OLFM3: variants seen among roughly 807,000 people sequenced by gnomAD.
The protein encoded by OLFM3 is noelin-3.
In OLFM3, 20 loss-of-function variants were observed where a neutral mutation model predicts 48.6. The observed-to-expected ratio is 0.41, with a 90% CI of 0.29 to 0.60. OLFM3 has a LOEUF of 0.60. Among genes scored for constraint, OLFM3 ranks in the 20% least tolerant of loss-of-function variants. The pLI is 0.28. For synonymous variants in OLFM3, 222 were observed against 198.1 expected, an observed-to-expected ratio of 1.12 and a Z score of -1.01; for missense variants, 437 against 544.3, an observed-to-expected ratio of 0.80 and a Z score of 1.96.
At chr1:101,840,592 T>A (rs1459605088) in intron 1 of OLFM3, among the ~76,000 whole-genome samples, 6 of 152,100 alleles carry the variant, frequency 3.9e-5, no homozygotes, top group Non-Finnish European at 5.9e-5. Flanking sequence ...CACCACAGTT[T>A]CCTGAGTAGC....
chr1:101,954,520 T>G (rs570155572), intron 1 of OLFM3, among the ~76,000 whole-genome samples: 1 of 152,210 alleles, frequency 6.6e-6, no homozygotes, highest in African/African-American at 2.4e-5. Context: ...TAGCTTTAAT[T>G]TTAGCTTTTG....
intron 1 of OLFM3, among the ~76,000 whole-genome samples, chr1:101,945,628 C>A (rs897148689): frequency 6.6e-6 from 1 of 151,718 alleles, no homozygotes; most frequent in Non-Finnish European, 1.5e-5. Flanking sequence ...TAAAACTGTA[C>A]ACTTATCTTA....
intron 1 of OLFM3, among the ~76,000 whole-genome samples, chr1:101,878,870 T>C (rs79970522): frequency 0.035 from 5,271 of 151,974 alleles, 221 homozygotes; most frequent in East Asian, 0.21. Flanking sequence ...GTTATAGAAA[T>C]AGCTTTTAGG....
At chr1:101,956,624 G>T (rs1020809754) in intron 1 of OLFM3, among the ~76,000 whole-genome samples, 6 of 151,788 alleles carry the variant, frequency 4.0e-5, no homozygotes, top group Non-Finnish European at 7.4e-5. Context: ...TAAAAATTTT[G>T]AGTCTGTAAG....
intron 1 of OLFM3, among the ~76,000 whole-genome samples, chr1:101,945,471 G>A (rs1350007180): frequency 6.6e-6 from 1 of 152,078 alleles, no homozygotes; most frequent in Non-Finnish European, 1.5e-5. Flanking sequence ...ATAGTTGCAG[G>A]AAGCAGGTCA....
At chr1:101,880,443 A>T (rs1657476768) in intron 1 of OLFM3, among the ~76,000 whole-genome samples, 1 of 151,748 alleles carries the variant, frequency 6.6e-6, no homozygotes, top group African/African-American at 2.4e-5. Flanking sequence ...TCTTTTTTTT[A>T]AATCCCTTTC....
chr1:101,903,479 C>G (rs1391951016), intron 1 of OLFM3, among the ~76,000 whole-genome samples: 2 of 151,986 alleles, frequency 1.3e-5, no homozygotes, highest in Non-Finnish European at 2.9e-5. Flanking sequence ...AGTCATGGAG[C>G]TAAGGAACTG....
chr1:101,804,256 C>T lies in OLFM3; in HGVS notation c.1359G>A (p.Lys453=). The change falls in exon 6 of 6, where the codon AAG becomes AAA. Residue 453 remains lysine (K), a synonymous_variant. Coordinates refer to ENST00000370103, the MANE Select transcript of OLFM3 (RefSeq NM_058170.4). The surrounding 1 kb of genome is among the most constrained non-coding windows in gnomAD (Gnocchi z 4.5). ...CATTTGCCTATGTGTCATCCTCTGT[C>T]TTGATGATATGGAAAAGGGTGACAT... is the stretch of plus-strand genomic sequence containing the variant. ...LFNVTLFHII[K]TEDDT 1 of 1,598,348 alleles carries T rather than the reference C, an allele frequency of 6.3e-7. No homozygotes were observed. The highest frequency in any genetic ancestry group is 8.5e-7 in the Non-Finnish European group (1 of 1,172,462).
At chr1:101,837,682 G>A (rs905525822) in intron 1 of OLFM3, 1 of 152,196 alleles carries the variant, frequency 6.6e-6, no homozygotes, top group African/African-American at 2.4e-5. Context: ...CAAGTGTGAA[G>A]GGGTGGTATT....
chr1:101,959,342 T>TTA lies in OLFM3; in HGVS notation c.69+37405_69+37406insTA, dbSNP rs200920189. The stretch of plus-strand genomic sequence containing the variant: ...GATTCTTCTTTCCTCCCCTCCTTTT[T>TTA]TTTTTTTTTTAACTTTTTTACTTTC... On this transcript the variant is annotated intron_variant, in intron 1 of 5. Transcript: ENST00000370103. 6.6e-3 allele frequency among the ~76,000 whole-genome samples: 715 copies of TTA among 108,626 alleles called. 4 individuals are homozygous for TTA. Among genetic ancestry groups the TTA allele is most frequent in the Non-Finnish European group, 0.011 (561 of 51,180 alleles). 71.3% of individuals were successfully genotyped at this position (108,626 alleles called of 152,430 possible).
chr1:101,980,357 T>C (rs1362807991), intron 1 of OLFM3, among the ~76,000 whole-genome samples: 1 of 152,092 alleles, frequency 6.6e-6, no homozygotes, highest in African/African-American at 2.4e-5. Context: ...CAAATTGTAA[T>C]CCCCATAATC....
chr1:101,829,979 C>G (rs143342023), intron 3 of OLFM3, among the ~76,000 whole-genome samples: 9,069 of 151,920 alleles, frequency 0.06, 410 homozygotes, highest in South Asian at 0.19. Flanking sequence ...GGACTACAGG[C>G]GCCCACCACC....
At chr1:101,861,408 A>C (rs762274461) in intron 1 of OLFM3, among the ~76,000 whole-genome samples, 1 of 152,232 alleles carries the variant, frequency 6.6e-6, no homozygotes, top group Non-Finnish European at 1.5e-5. Context: ...TCAGAAGATA[A>C]CTGCATCACT....
At chr1:101,952,774 C>T (rs550668918) in intron 1 of OLFM3, among the ~76,000 whole-genome samples, 12 of 152,134 alleles carry the variant, frequency 7.9e-5, no homozygotes, top group African/African-American at 2.9e-4. Context: ...GGCTTTGGAG[C>T]TAACAGTAAC....
At chr1:101,822,566 A>T (rs1654660680) in intron 4 of OLFM3, among the ~76,000 whole-genome samples, 1 of 152,176 alleles carries the variant, frequency 6.6e-6, no homozygotes. Flanking sequence ...ACACAGACAA[A>T]TCCTACAGAT....
chr1:101,935,228 C>A (rs536130335), intron 1 of OLFM3, among the ~76,000 whole-genome samples: 1 of 149,970 alleles, frequency 6.7e-6, no homozygotes, highest in African/African-American at 2.4e-5. Context: ...AGACCACTAA[C>A]TAGACTAATG....
chr1:101,890,244 T>A (rs192573398), intron 1 of OLFM3, among the ~76,000 whole-genome samples: 1 of 152,116 alleles, frequency 6.6e-6, no homozygotes, highest in East Asian at 1.9e-4. Flanking sequence ...TCTTGGAAAA[T>A]AGCTACTAAT....
At chr1:101,982,077 A>G (rs1661120101) in intron 1 of OLFM3, among the ~76,000 whole-genome samples, 1 of 152,226 alleles carries the variant, frequency 6.6e-6, no homozygotes, top group South Asian at 2.1e-4. Context: ...GGCCAGTTTA[A>G]TCAAGCCAGA....
At chr1:101,852,234 T>C (rs540102714) in intron 1 of OLFM3, among the ~76,000 whole-genome samples, 2 of 152,090 alleles carry the variant, frequency 1.3e-5, no homozygotes, top group Non-Finnish European at 2.9e-5. Context: ...GAAAGAATTG[T>C]TTATACTTAC....
Sources: gnomAD v4.1 joint callset for allele counts (sites outside exome capture counted in the v4.1 genomes callset) on GRCh38, gnomAD v4.1.1 for gene constraint, Gnocchi (gnomAD v3.1) non-coding constraint, MANE v1.5 for transcripts, NCBI Gene and HGNC (gene_info 2026-07-23, HGNC 2026-07-21) for gene names.